Variants in MTOR observed in about 807,000 individuals in gnomAD.
MTOR encodes serine/threonine-protein kinase mTOR.
In MTOR, 70 loss-of-function variants were observed where a neutral mutation model predicts 319.8. The ratio of observed to expected loss-of-function variants is 0.22; its 90% CI spans 0.18 to 0.27. The LOEUF is 0.27. MTOR is among the 10% of genes least tolerant of loss of function. The pLI is 1.00. For missense variants in MTOR, 1,890 were observed against 3,274.4 expected (o/e 0.58, Z 10.32); for synonymous variants, 1,183 against 1,211.4 (o/e 0.98, Z 0.49).
chr1:11,160,045 A>C (rs941778252), intron 29 of MTOR, among the ~76,000 whole-genome samples: 6 of 151,942 alleles, frequency 3.9e-5, no homozygotes, highest in Non-Finnish European at 5.9e-5. Flanking sequence ...ACGAACACAA[A>C]AATGCCTCAA....
intron 5 of MTOR, among the ~76,000 whole-genome samples, chr1:11,255,130 A>G (rs1650196266): frequency 6.6e-6 from 1 of 152,102 alleles, no homozygotes. Flanking sequence ...CATGCCTGTA[A>G]TCCCAGCACT....
intron 52 of MTOR, 98 bp downstream of exon 52, chr1:11,114,715 C>T: frequency 1.6e-6 from 2 of 1,263,854 alleles, no homozygotes; most frequent in African/African-American, 1.5e-5. Context: ...ATCACAAAGG[C>T]ACTTTGGAGA....
intron 28 of MTOR, chr1:11,194,850 C>G: frequency 6.2e-7 from 1 of 1,613,730 alleles, no homozygotes; most frequent in Non-Finnish European, 8.5e-7. Context: ...GTTTCTCATG[C>G]CAGGTGGCTA....
intron 38 of MTOR, 63 bp from the exon 39 acceptor site, chr1:11,130,840 GCGCAAGGTCGATGCTGAGGAA>G: frequency 6.6e-7 from 1 of 1,519,106 alleles, no homozygotes. Context: ...GCTCAGAGGA[GCGCAAGGTCGATGCTGAGGAA>G]CAGCTGCTCC....
At chr1:11,172,991 CTCTTT>C (rs1299227530) in intron 28 of MTOR, among the ~76,000 whole-genome samples, 3 of 151,572 alleles carry the variant, frequency 2.0e-5, no homozygotes, top group African/African-American at 7.3e-5. Flanking sequence ...CATATCCACT[CTCTTT>C]TCTTTTTTTT....
rs1347863332 is a variant in MTOR at position 11,199,164 on chromosome 1, G to A, written c.4253+94C>T. 1 of 1,517,874 alleles carries A rather than the reference G, an allele frequency of 6.6e-7. No homozygotes were observed. Among genetic ancestry groups the A allele is most frequent in the East Asian group, 2.3e-5 (1 of 44,296 alleles). 94.0% of individuals were successfully genotyped at this position (1,517,874 alleles called of 1,614,324 possible). On this transcript the variant is annotated intron_variant, in intron 28 of 57. Transcript: ENST00000361445. This position sits in a 1 kb window ranked among gnomAD's most constrained non-coding sequence, Gnocchi z 4.5. ...CAGAGGCAGATTTCACAGAGCAGAAGTCTTCAAGTGACTCCAGTGAAGTGG... is the reference window on the plus strand; with the variant it reads ...CAGAGGCAGATTTCACAGAGCAGAAATCTTCAAGTGACTCCAGTGAAGTGG...
intron 1 of MTOR, among the ~76,000 whole-genome samples, chr1:11,261,867 C>G (rs1313930156): frequency 6.6e-6 from 1 of 152,116 alleles, no homozygotes; most frequent in Non-Finnish European, 1.5e-5. Context: ...TGATCTGAGG[C>G]CCACAGGCCA....
At chr1:11,192,237 T>G (rs377749302) in intron 28 of MTOR, 1 of 1,517,062 alleles carries the variant, frequency 6.6e-7, no homozygotes, top group African/African-American at 1.4e-5. Flanking sequence ...CCACTGGGTC[T>G]AAATGCTCAC....
chr1:11,127,288 T>C lies in MTOR; in HGVS notation c.6217-144A>G, dbSNP rs1007141911. On this transcript the variant is annotated intron_variant, in intron 44 of 57. Transcript: ENST00000361445. The surrounding 1 kb of genome is among the most constrained non-coding windows in gnomAD (Gnocchi z 5.5). ...CAGGGGGCTGGAGAAAGCAAGAGCA[T>C]AGGTGCAGGCCTCCAACCCTGGAGC... The C allele has an allele frequency of 1.2e-5, 14 of 1,167,868 alleles. No individual in the cohort carries two copies. The highest frequency in any genetic ancestry group is 1.7e-5 in the Non-Finnish European group (14 of 839,098). 72.3% of individuals were successfully genotyped at this position (1,167,868 alleles called of 1,614,324 possible). A position where few individuals can be genotyped will look rare whatever the true frequency, so the allele number is the denominator to read the frequency against.
rs184474556 is a variant in MTOR, at chr1:11,129,862, C to T, written c.5614-24G>A. 2.9e-5 allele frequency: 47 copies of T among 1,599,254 alleles called. 1 individual carries two copies. The highest frequency in any genetic ancestry group is 3.3e-5 in the Admixed American group (2 of 59,884). On this transcript the variant is annotated intron_variant, in intron 39 of 57. Transcript: ENST00000361445. The surrounding 1 kb of genome is among the most constrained non-coding windows in gnomAD (Gnocchi z 4.7). ...TCCTGTTGGAACACACACGTGTTAG[C>T]GACACTCTTGCCTCTGCTTTCTCAT...
intron 10 of MTOR, 144 bp from the exon 11 acceptor site, chr1:11,240,691 T>C: frequency 8.9e-7 from 1 of 1,123,294 alleles, no homozygotes; most frequent in Middle Eastern, 3.1e-4. Flanking sequence ...AGAATAAAAG[T>C]GTAAACTCTC....
chr1:11,235,499 A>G (rs1647174312), intron 13 of MTOR, among the ~76,000 whole-genome samples: 1 of 152,114 alleles, frequency 6.6e-6, no homozygotes, highest in Non-Finnish European at 1.5e-5. Flanking sequence ...AAAACAAAAC[A>G]CCAAAGCCTT....
At chr1:11,112,970 G>A in intron 53 of MTOR, 53 bp from the exon 54 acceptor site, 2 of 1,555,360 alleles carry the variant, frequency 1.3e-6, no homozygotes, top group Non-Finnish European at 1.8e-6. Flanking sequence ...TGACTTGAAA[G>A]AAACTTGGTT....
chr1:11,197,763 G>C (rs934180750), intron 28 of MTOR, among the ~76,000 whole-genome samples: 4 of 152,192 alleles, frequency 2.6e-5, no homozygotes, highest in Non-Finnish European at 5.9e-5. Context: ...GGCTGGTCTC[G>C]AACTCCTGAC....
intron 19 of MTOR, among the ~76,000 whole-genome samples, chr1:11,225,578 T>C (rs1646808731): frequency 6.6e-6 from 1 of 152,044 alleles, no homozygotes; most frequent in South Asian, 2.1e-4. Flanking sequence ...TGTGCCACCA[T>C]GCCCGGCTAA....
At chr1:11,194,317 G>A in intron 28 of MTOR, 1 of 777,216 alleles carries the variant, frequency 1.3e-6, no homozygotes. Context: ...ACAGTAAACT[G>A]GAGGTAAACA....
chr1:11,221,892 CTTCT>C (rs1230676004), intron 19 of MTOR, among the ~76,000 whole-genome samples: 2 of 150,500 alleles, frequency 1.3e-5, no homozygotes, highest in Admixed American at 6.6e-5. Flanking sequence ...ACTTGACAGT[CTTCT>C]TTGAGTGACT....
chr1:11,260,728 T>TC (rs1651002399), intron 1 of MTOR, among the ~76,000 whole-genome samples: 1 of 151,672 alleles, frequency 6.6e-6, no homozygotes, highest in Non-Finnish European at 1.5e-5. Flanking sequence ...TCTTTTTTTT[T>TC]AGCGAGTCTT....
intron 34 of MTOR, among the ~76,000 whole-genome samples, chr1:11,140,222 T>C (rs970360185): frequency 2.0e-5 from 3 of 149,632 alleles, no homozygotes; most frequent in Non-Finnish European, 4.4e-5. Context: ...AGGTTAAGGG[T>C]ACTGTGAGTG....
Sources: gnomAD v4.1 joint callset for allele counts (sites outside exome capture counted in the v4.1 genomes callset) on GRCh38, gnomAD v4.1.1 for gene constraint, Gnocchi (gnomAD v3.1) non-coding constraint, MANE v1.5 for transcripts, NCBI Gene and HGNC (gene_info 2026-07-23, HGNC 2026-07-21) for gene names.